Variants in ADAMTS6 observed in about 807,000 individuals in gnomAD.
ADAMTS6 encodes ADAM metallopeptidase with thrombospondin type 1 motif 6.
ADAMTS6 carries 23 observed loss-of-function variants against 144.3 expected under a neutral mutation model. That is an observed-to-expected ratio of 0.16 (90% confidence interval 0.11 to 0.23). The LOEUF is 0.23. Ranked by LOEUF, ADAMTS6 falls within the 10% of genes least tolerant of loss-of-function variation. The probability of loss-of-function intolerance (pLI) is 1.00; values close to 1 mark genes in which losing one functional copy is unlikely to be tolerated. For missense variants in ADAMTS6, 999 were observed against 1,379.6 expected (o/e 0.72, Z 4.37); for synonymous variants, 444 against 457.5 (o/e 0.97, Z 0.38).
intron 5 of ADAMTS6, 118 bp from the exon 6 acceptor site, chr5:65,452,334 A>C: frequency 2.6e-6 from 2 of 777,382 alleles, no homozygotes; most frequent in South Asian, 3.8e-5. Context: ...ACATTACCCC[A>C]TATCACTTAG....
chr5:65,363,328 T>C (rs531803651), intron 7 of ADAMTS6, among the ~76,000 whole-genome samples: 2 of 152,306 alleles, frequency 1.3e-5, no homozygotes, highest in East Asian at 3.9e-4. Context: ...CATACTAAAA[T>C]GGTTTAATCT....
At chr5:65,337,885 T>C (rs1053885989) in intron 7 of ADAMTS6, among the ~76,000 whole-genome samples, 4 of 152,176 alleles carry the variant, frequency 2.6e-5, no homozygotes, top group Non-Finnish European at 4.4e-5. Context: ...ATATAATTGG[T>C]ATACTTTTAG....
chr5:65,288,898 G>A (rs1449021822), intron 11 of ADAMTS6, among the ~76,000 whole-genome samples: 1 of 152,130 alleles, frequency 6.6e-6, no homozygotes, highest in East Asian at 1.9e-4. Context: ...GTTTTCCAAA[G>A]TAGTATTTAG....
chr5:65,427,640 T>C (rs932711766), intron 7 of ADAMTS6, among the ~76,000 whole-genome samples: 2 of 151,394 alleles, frequency 1.3e-5, no homozygotes, highest in Non-Finnish European at 2.9e-5. Flanking sequence ...CTACTAAAAA[T>C]ACAAAAAATA....
chr5:65,344,287 C>G (rs1748118251), intron 7 of ADAMTS6, among the ~76,000 whole-genome samples: 2 of 151,888 alleles, frequency 1.3e-5, no homozygotes, highest in African/African-American at 2.4e-5. Flanking sequence ...ACTATTCCAA[C>G]CCTTTTCCTT....
At chr5:65,459,926 T>A (rs1265611641) in intron 4 of ADAMTS6, among the ~76,000 whole-genome samples, 2 of 152,154 alleles carry the variant, frequency 1.3e-5, no homozygotes, top group Non-Finnish European at 2.9e-5. Context: ...AATGGTTATT[T>A]TTTTCCCTTC....
Position 65,214,887 on chromosome 5 carries a change from C to T in ADAMTS6, c.2482G>A (p.Val828Ile). 1 of 1,614,112 alleles carries T rather than the reference C, an allele frequency of 6.2e-7. No individual in the cohort carries two copies. The highest frequency in any genetic ancestry group is 8.5e-7 in the Non-Finnish European group (1 of 1,179,992). Residue 828 changes from valine (V) to isoleucine (I), a missense_variant, in exon 20 of 25, where the codon GTT becomes ATT. Transcript: ENST00000381055. This position sits in a 1 kb window ranked among gnomAD's most constrained non-coding sequence, Gnocchi z 4.6. ...CCACTGCCAGTTCGAGTGATGGGAA[C>T]ATTGAACTTATACCTAATTCCCAAA... ...QNLGIRYKFN[V>I]PITRTGSGDN...
At chr5:65,164,427 A>C (rs1054399098) in intron 24 of ADAMTS6, among the ~76,000 whole-genome samples, 10 of 149,254 alleles carry the variant, frequency 6.7e-5, no homozygotes, top group Admixed American at 5.3e-4. Flanking sequence ...CTGAGATCAA[A>C]TTGCAAGGCG....
intron 4 of ADAMTS6, among the ~76,000 whole-genome samples, chr5:65,458,332 G>A (rs245524): frequency 0.61 from 92,015 of 152,052 alleles, 29,694 homozygotes; most frequent in African/African-American, 0.84. Context: ...TTAACACTTA[G>A]GAAGAAAACA....
At chr5:65,304,998 G>T (rs972841435) in intron 9 of ADAMTS6, among the ~76,000 whole-genome samples, 2 of 151,806 alleles carry the variant, frequency 1.3e-5, no homozygotes, top group African/African-American at 2.4e-5. Context: ...TAACAGTAGT[G>T]TATCAATGTC....
chr5:65,411,363 A>G (rs1755035746), intron 7 of ADAMTS6, among the ~76,000 whole-genome samples: 1 of 152,166 alleles, frequency 6.6e-6, no homozygotes, highest in African/African-American at 2.4e-5. Context: ...AGGAACCTTC[A>G]TACTGTTTTC....
At chr5:65,307,247 G>A (rs189258833) in intron 9 of ADAMTS6, among the ~76,000 whole-genome samples, 137 of 152,276 alleles carry the variant, frequency 9.0e-4, no homozygotes, top group Non-Finnish European at 1.8e-3. Flanking sequence ...AAATTTTTAA[G>A]CCTATGTGTA....
intron 24 of ADAMTS6, among the ~76,000 whole-genome samples, chr5:65,161,333 C>T (rs772890197): frequency 5.9e-5 from 9 of 152,336 alleles, no homozygotes; most frequent in South Asian, 2.1e-4. Flanking sequence ...CCACCGTGCC[C>T]GGCCTCCTTG....
chr5:65,308,282 A>C (rs1342129767), intron 9 of ADAMTS6, among the ~76,000 whole-genome samples: 4 of 152,352 alleles, frequency 2.6e-5, no homozygotes, highest in Admixed American at 2.6e-4. Context: ...ACTGGTGCCT[A>C]TGCATTGTGC....
At position 65,217,725 on chromosome 5, in the gene ADAMTS6, A is replaced by C. The variant is rs553617011; in HGVS notation, c.2273-2238T>G. On this transcript the variant is annotated intron_variant, in intron 18 of 24. Transcript: ENST00000381055. ...CCCTTATTTTTAAAAGCTTTAAGAG[A>C]AATGGAATGATATTTTAACTAAAAT... 1.1e-3 allele frequency among the ~76,000 whole-genome samples: 161 copies of C among 152,236 alleles called. 1 individual carries two copies. The highest frequency in any genetic ancestry group is 3.3e-3 in the Admixed American group (51 of 15,286).
intron 11 of ADAMTS6, among the ~76,000 whole-genome samples, chr5:65,273,786 T>C (rs1166149279): frequency 2.0e-5 from 3 of 152,100 alleles, no homozygotes; most frequent in Non-Finnish European, 4.4e-5. Flanking sequence ...TTTATTACAC[T>C]CAAGAATATA....
intron 7 of ADAMTS6, among the ~76,000 whole-genome samples, chr5:65,367,687 C>A (rs562015852): frequency 4.6e-5 from 7 of 152,172 alleles, no homozygotes; most frequent in African/African-American, 1.2e-4. Context: ...CTTCTGACTG[C>A]GTCACGATCC....
At chr5:65,395,872 G>A (rs1028538919) in intron 7 of ADAMTS6, among the ~76,000 whole-genome samples, 7 of 152,156 alleles carry the variant, frequency 4.6e-5, no homozygotes, top group Non-Finnish European at 7.3e-5. Context: ...ATTAACAATA[G>A]ACTCAATCAT....
intron 7 of ADAMTS6, among the ~76,000 whole-genome samples, chr5:65,358,296 A>G (rs1258758740): frequency 6.6e-6 from 1 of 152,000 alleles, no homozygotes; most frequent in African/African-American, 2.4e-5. Flanking sequence ...TCAACAAATT[A>G]GGTACAGAAG....
Sources: gnomAD v4.1 joint callset for allele counts (sites outside exome capture counted in the v4.1 genomes callset) on GRCh38, gnomAD v4.1.1 for gene constraint, Gnocchi (gnomAD v3.1) non-coding constraint, MANE v1.5 for transcripts, NCBI Gene and HGNC (gene_info 2026-07-23, HGNC 2026-07-21) for gene names.